Variants in CRACR2B observed in about 807,000 individuals in gnomAD.
CRACR2B encodes the protein EF-hand calcium-binding domain-containing protein 4A.
A neutral mutation model predicts 46.0 loss-of-function variants in CRACR2B; 50 were observed. The observed-to-expected ratio is 1.09, with a 90% CI of 0.87 to 1.38. The LOEUF is 1.38. Among genes scored for constraint, CRACR2B ranks in the 40% most tolerant of loss-of-function variants. CRACR2B has a pLI of 0.00. For synonymous variants in CRACR2B, 277 were observed against 239.6 expected, an observed-to-expected ratio of 1.16 and a Z score of -1.44; for missense variants, 667 against 535.0, an observed-to-expected ratio of 1.25 and a Z score of -2.43.
chr11:829,926 G>T (rs1378572219), intron 3 of CRACR2B, 60 bp from the exon 4 acceptor site: 1 of 1,523,044 alleles, frequency 6.6e-7, no homozygotes, highest in Non-Finnish European at 8.8e-7. Flanking sequence ...TGCTGCTGGC[G>T]GAGGGAAGCC....
intron 2 of CRACR2B, 158 bp downstream of exon 2, chr11:829,121 C>A: frequency 7.9e-7 from 1 of 1,270,430 alleles, no homozygotes; most frequent in Non-Finnish European, 1.1e-6. Context: ...GGGCTCCTAG[C>A]TGCGGTGGAG....
chr11:831,968 A>C lies in CRACR2B; in HGVS notation c.*259A>C. 1 of 486,668 alleles carries C rather than the reference A, an allele frequency of 2.1e-6. No individual in the cohort carries two copies. Among genetic ancestry groups the C allele is most frequent in the Non-Finnish European group, 3.6e-6 (1 of 279,256 alleles). The allele number at this position is 486,668 out of a possible 1,614,324, so 30.1% of individuals were successfully genotyped here. On this transcript the variant is annotated 3_prime_UTR_variant, in exon 9 of 9. Coordinates refer to ENST00000525077, the MANE Select transcript of CRACR2B (RefSeq NM_001286606.2). ...GTTCAGCAGAAAACCCCCTCGTCAAATAAAACCCACTGACTGCACTGCGTC... is the reference window on the plus strand; with the variant it reads ...GTTCAGCAGAAAACCCCCTCGTCAACTAAAACCCACTGACTGCACTGCGTC...
Position 828,558 on chromosome 11 carries a change from C to G in CRACR2B, c.-50C>G. The G allele has an allele frequency of 6.5e-7, 1 of 1,535,862 alleles. No homozygotes were observed. Among genetic ancestry groups the G allele is most frequent in the Non-Finnish European group, 8.7e-7 (1 of 1,150,278 alleles). On this transcript the variant is annotated 5_prime_UTR_variant, in exon 1 of 9. Transcript: ENST00000525077. Reference sequence around the variant, plus strand: ...CTCCCCTCCTGAATTTCTTCTGACCCTCCCTTGGCTTCACAGCACCTGAAG... The same window carrying G: ...CTCCCCTCCTGAATTTCTTCTGACCGTCCCTTGGCTTCACAGCACCTGAAG...
intron 5 of CRACR2B, 129 bp downstream of exon 5, chr11:830,466 A>C: frequency 6.5e-7 from 1 of 1,536,350 alleles, no homozygotes. Flanking sequence ...CCTCAGCCCG[A>C]GGAGATCCCA....
At chr11:829,873 G>A (rs562524432) in intron 3 of CRACR2B, 113 bp from the exon 4 acceptor site, 37 of 1,438,486 alleles carry the variant, frequency 2.6e-5, no homozygotes, top group Middle Eastern at 2.5e-4. Context: ...CACGCAGCAA[G>A]TGCTCCTGTC....
intron 7 of CRACR2B, 93 bp from the exon 8 acceptor site, chr11:831,131 C>A: frequency 6.3e-7 from 1 of 1,588,624 alleles, no homozygotes. Flanking sequence ...TCTCAAGTCC[C>A]AGGCCCGCCC....
rs373015697 is a variant in CRACR2B at position 828,727 on chromosome 11, G to A, written c.120G>A (p.Leu40=). 2.0e-5 allele frequency: 32 copies of A among 1,613,450 alleles called. No homozygotes were observed. The highest frequency in any genetic ancestry group is 2.6e-5 in the Non-Finnish European group (31 of 1,179,898). ...ILEQAEELFL[L]CDKEAKGFIT... is the part of the protein sequence containing the mutation. Reference sequence around the variant, plus strand: ...AGCAGGCTGAGGAGCTGTTTCTGCTGTGTGACAAGGAGGCTAAGGGCTTCA... The same window carrying A: ...AGCAGGCTGAGGAGCTGTTTCTGCTATGTGACAAGGAGGCTAAGGGCTTCA... The change falls in exon 1 of 9, where the codon CTG becomes CTA. Residue 40 remains leucine (L), a synonymous_variant. Transcript: ENST00000525077.
Position 831,860 on chromosome 11 carries a change from G to C in CRACR2B, c.*151G>C. 1 of 1,019,748 alleles carries C rather than the reference G, an allele frequency of 9.8e-7. No homozygotes were observed. Among genetic ancestry groups the C allele is most frequent in the Non-Finnish European group, 1.3e-6 (1 of 746,648 alleles). 63.2% of individuals were successfully genotyped at this position (1,019,748 alleles called of 1,614,324 possible). On this transcript the variant is annotated 3_prime_UTR_variant, in exon 9 of 9. Transcript: ENST00000525077. Reference sequence around the variant, plus strand: ...ACATGAAGGACCTAGCCTAGGAGTGGTCAGGGTCCCGGGAGTGGCCAGGGT... The same window carrying C: ...ACATGAAGGACCTAGCCTAGGAGTGCTCAGGGTCCCGGGAGTGGCCAGGGT...
In CRACR2B at chr11:830,115, G is replaced by A. The variant is rs1320226154; in HGVS notation, c.588G>A (p.Leu196=). 7 of 1,537,652 alleles carry A rather than the reference G, an allele frequency of 4.6e-6. No homozygotes were observed. The highest frequency in any genetic ancestry group is 6.1e-6 in the Non-Finnish European group (7 of 1,146,878). The part of the protein sequence containing the change: ...LEEAARERDG[L]EQALRRRESE... Reference sequence around the variant, plus strand: ...AGGCGGCCCGGGAGCGCGACGGCCTGGAGCAGGCGCTGCGGAGGTGAGGGC... The same window carrying A: ...AGGCGGCCCGGGAGCGCGACGGCCTAGAGCAGGCGCTGCGGAGGTGAGGGC... Residue 196 remains leucine (L), a synonymous_variant, in exon 4 of 9, where the codon CTG becomes CTA. Transcript: ENST00000525077.
At chr11:829,887 C>T in intron 3 of CRACR2B, 99 bp from the exon 4 acceptor site, 1 of 1,465,834 alleles carries the variant, frequency 6.8e-7, no homozygotes. Flanking sequence ...TCCTGTCCTG[C>T]CCAGGGGCGA....
chr11:827,389 G>A (rs1845975222), upstream of CRACR2B: 2 of 259,136 alleles, frequency 7.7e-6, no homozygotes, highest in Non-Finnish European at 1.2e-5. Flanking sequence ...CCGGGCCGCC[G>A]TGGCCCGCGC....
Position 828,942 on chromosome 11 carries a change from AG to A in CRACR2B, c.259del (p.Glu87SerfsTer71), listed in dbSNP as rs753941141. 2 of 1,605,636 alleles carry A rather than the reference AG, an allele frequency of 1.2e-6. No individual in the cohort carries two copies. The highest frequency in any genetic ancestry group is 2.2e-5 in the South Asian group (2 of 91,086). On this transcript the variant is annotated frameshift_variant, in exon 2 of 9. Coordinates refer to ENST00000525077, the MANE Select transcript of CRACR2B (RefSeq NM_001286606.2). LOFTEE classifies it high-confidence loss of function. ...DRAHTGFLTA[R>X]EFCLGLGMFV... The stretch of plus-strand genomic sequence containing the variant: ...GGCTCACACTGGCTTCCTCACCGCC[AG>A]GGAGTTCTGCCTGGGCCTGGGTGAG...
In CRACR2B at chr11:828,781, C is replaced by T. The variant is rs1846116308; in HGVS notation, c.165+9C>T. On this transcript the variant is annotated intron_variant, in intron 1 of 8. Coordinates refer to ENST00000525077, the MANE Select transcript of CRACR2B (RefSeq NM_001286606.2). ...CCAAGCACGACCTGCAGGTGAGTCC[C>T]CCACCCCAAGAGACTGCTTCGGCCC... is the stretch of plus-strand genomic sequence containing the variant. 3.7e-6 allele frequency: 6 copies of T among 1,613,102 alleles called. No homozygotes were observed. The South Asian group carries it at 4.4e-5, about 12-fold the overall frequency.
chr11:829,220 A>G, intron 2 of CRACR2B, 140 bp from the exon 3 acceptor site: 1 of 1,449,404 alleles, frequency 6.9e-7, no homozygotes. Flanking sequence ...TCTTGTTTCC[A>G]GGCCAATAGG....
At chr11:830,563 A>T in intron 5 of CRACR2B, 58 bp from the exon 6 acceptor site, 2 of 1,547,918 alleles carry the variant, frequency 1.3e-6, no homozygotes, top group Non-Finnish European at 1.7e-6. Context: ...CCCTCCGTGT[A>T]CCTCTTTTGC....
At chr11:830,450 G>A (rs1846309029) in intron 5 of CRACR2B, 113 bp downstream of exon 5, 1 of 1,536,002 alleles carries the variant, frequency 6.5e-7, no homozygotes, top group Non-Finnish European at 8.7e-7. Flanking sequence ...CGCGGGTCCA[G>A]GCTGCCCTCA....
rs57260880 is a variant in CRACR2B at position 828,180 on chromosome 11, CAG to C, written c.-425_-424del. 19,296 of 174,960 alleles carry C rather than the reference CAG, an allele frequency of 0.11. 2,821 individuals are homozygous for C. Among genetic ancestry groups the C allele is most frequent in the East Asian group, 0.4 (2,146 of 5,404 alleles). 10.8% of individuals were successfully genotyped at this position (174,960 alleles called of 1,614,324 possible). ...TCACTTGGGATCAGATCTCCAGTTG[CAG>C]AGTGTGAGGGGCTCCTCCCTCACTG... On this transcript the variant is annotated 5_prime_UTR_variant, in exon 1 of 9. The change creates a premature stop within an existing upstream ORF in the 5' untranslated region. Transcript: ENST00000525077.
Position 830,926 on chromosome 11 carries a change from C to T in CRACR2B, c.847C>T (p.Gln283Ter). Residue 283 changes from glutamine to a stop codon, truncating the protein, a stop_gained, in exon 7 of 9, where the codon CAG becomes TAG. Transcript: ENST00000525077. LOFTEE classifies it high-confidence loss of function. ...EHLEAQAQNS[Q>*]LWRAHEALRT... ...CCTGGAGGCACAGGCCCAGAACTCCCAGCTGTGGCGGGCGCACGAGGCGCT... is the reference window on the plus strand; with the variant it reads ...CCTGGAGGCACAGGCCCAGAACTCCTAGCTGTGGCGGGCGCACGAGGCGCT... The T allele has an allele frequency of 6.5e-7, 1 of 1,533,236 alleles. No individual in the cohort carries two copies. The highest frequency in any genetic ancestry group is 1.2e-5 in the South Asian group (1 of 83,920). The allele number at this position is 1,533,236 out of a possible 1,614,324, so 95.0% of individuals were successfully genotyped here. A position where few individuals can be genotyped will look rare whatever the true frequency, so the allele number is the denominator to read the frequency against.
chr11:829,205 T>TC (rs758063320), intron 2 of CRACR2B, 155 bp from the exon 3 acceptor site: 1 of 1,416,220 alleles, frequency 7.1e-7, no homozygotes, highest in South Asian at 1.4e-5. Flanking sequence ...AGCTGGCCTG[T>TC]CACCTCTTGT....
Sources: gnomAD v4.1 joint callset for allele counts on GRCh38, gnomAD v4.1.1 for gene constraint, MANE v1.5 for transcripts, NCBI Gene and HGNC (gene_info 2026-07-23, HGNC 2026-07-21) for gene names.